The following TNS3 variants were observed in gnomAD, a reference collection of about 807,000 sequenced individuals.
The protein encoded by TNS3 is tensin 3, also known as tensin-3.
Under a neutral mutation model 140.9 loss-of-function variants are expected in TNS3, and 45 were observed. That is an observed-to-expected ratio of 0.32 (90% CI 0.25 to 0.41). The LOEUF (loss-of-function observed/expected upper bound fraction) is 0.41, where lower values mean the gene tolerates loss of function less well. Among genes scored for constraint, TNS3 ranks in the 10% least tolerant of loss-of-function variants. The pLI is 1.00. For missense variants in TNS3, 1,716 were observed against 1,906.7 expected (o/e 0.90, Z 1.86); for synonymous variants, 815 against 788.4 (o/e 1.03, Z -0.56).
intron 3 of TNS3, among the ~76,000 whole-genome samples, chr7:47,493,590 G>A (rs1050123299): frequency 4.6e-5 from 7 of 151,816 alleles, no homozygotes; most frequent in Admixed American, 6.6e-5. Flanking sequence ...AGGCCAAGGC[G>A]GGTGGATCAC....
At chr7:47,563,221 C>T (rs970841504) in intron 1 of TNS3, among the ~76,000 whole-genome samples, 5 of 152,216 alleles carry the variant, frequency 3.3e-5, no homozygotes, top group African/African-American at 1.2e-4. Context: ...TGGAGCCCCC[C>T]TTCAAGGACT....
At chr7:47,396,338 A>G (rs1416042268) in intron 16 of TNS3, among the ~76,000 whole-genome samples, 2 of 152,214 alleles carry the variant, frequency 1.3e-5, no homozygotes, top group African/African-American at 4.8e-5. Context: ...CAGAGATTTA[A>G]ATGATACAGC....
intron 1 of TNS3, among the ~76,000 whole-genome samples, chr7:47,554,918 C>G (rs775050954): frequency 1.3e-5 from 2 of 151,874 alleles, no homozygotes; most frequent in Non-Finnish European, 1.5e-5. Flanking sequence ...ATCCCAGCTA[C>G]TCAGGAGGCG....
At chr7:47,296,624 T>A (rs1332275618) in intron 24 of TNS3, among the ~76,000 whole-genome samples, 1 of 152,196 alleles carries the variant, frequency 6.6e-6, no homozygotes, top group Non-Finnish European at 1.5e-5. Flanking sequence ...TTTTAATCCA[T>A]CTAAAAATGC....
intron 16 of TNS3, among the ~76,000 whole-genome samples, chr7:47,388,233 T>TAC (rs1275915267): frequency 2.0e-5 from 3 of 152,194 alleles, no homozygotes; most frequent in East Asian, 3.9e-4. Flanking sequence ...CACCAGGGTC[T>TAC]ACACACACAC....
At chr7:47,301,917 C>T (rs1786423491) in intron 23 of TNS3, among the ~76,000 whole-genome samples, 1 of 152,186 alleles carries the variant, frequency 6.6e-6, no homozygotes, top group Non-Finnish European at 1.5e-5. Flanking sequence ...TGCAAGCAGC[C>T]AGAAATTACA....
chr7:47,573,075 G>A (rs1800595108), intron 1 of TNS3, among the ~76,000 whole-genome samples: 1 of 152,174 alleles, frequency 6.6e-6, no homozygotes, highest in South Asian at 2.1e-4. Flanking sequence ...CTCAAACCAC[G>A]TGGTCCCAAT....
At chr7:47,508,416 T>C (rs1798493808) in intron 2 of TNS3, among the ~76,000 whole-genome samples, 1 of 152,188 alleles carries the variant, frequency 6.6e-6, no homozygotes, top group Non-Finnish European at 1.5e-5. Flanking sequence ...AAGAGAGACT[T>C]GCCATTGGGA....
chr7:47,547,790 C>T (rs1254293359), intron 1 of TNS3, among the ~76,000 whole-genome samples: 3 of 152,178 alleles, frequency 2.0e-5, no homozygotes, highest in Non-Finnish European at 4.4e-5. Flanking sequence ...AAACCTCAGC[C>T]CAGAAGAAAA....
intron 4 of TNS3, among the ~76,000 whole-genome samples, chr7:47,449,858 G>A (rs988135931): frequency 5.9e-5 from 9 of 152,248 alleles, no homozygotes; most frequent in Middle Eastern, 3.4e-3. Context: ...TGCCCGCCTC[G>A]GCCTCCCAAA....
At chr7:47,582,431 G>A (rs781322012), upstream of TNS3, 8 of 456,512 alleles carry the variant, frequency 1.8e-5, no homozygotes, top group African/African-American at 4.0e-5. Flanking sequence ...GAGTACCTGG[G>A]GAGGCGGGTT....
intron 20 of TNS3, among the ~76,000 whole-genome samples, chr7:47,314,279 G>T (rs1787268929): frequency 6.6e-6 from 1 of 152,208 alleles, no homozygotes; most frequent in Admixed American, 6.5e-5. Context: ...ACACCCTGCA[G>T]GCGCTGTGCT....
chr7:47,285,964 T>C lies in TNS3; in HGVS notation c.3929-2099A>G, dbSNP rs1396352186. Among the ~76,000 whole-genome samples the C allele has an allele frequency of 3.3e-5, 5 of 152,148 alleles. No individual in the cohort carries two copies. The East Asian group carries it at 9.6e-4, about 29-fold the overall frequency. On this transcript the variant is annotated intron_variant, in intron 27 of 30. Coordinates refer to ENST00000311160, the MANE Select transcript of TNS3 (RefSeq NM_022748.12). The stretch of plus-strand genomic sequence containing the variant: ...GAATAAAAACCACGTCTGCTATGAT[T>C]AGAACGGGAAAATGAAAAGCATGTG...
At chr7:47,564,649 ACAAAAAAAAAC>A (rs1800389950) in intron 1 of TNS3, among the ~76,000 whole-genome samples, 2 of 47,244 alleles carry the variant, frequency 4.2e-5, no homozygotes, top group Non-Finnish European at 9.0e-5. Flanking sequence ...AAAAAAAAAA[ACAAAAAAAAAC>A]AAAAAAAGAC....
rs543601165 is a variant in TNS3, at chr7:47,472,275, A to G, written c.-76+8828T>C. The stretch of plus-strand genomic sequence containing the variant: ...TTCAGGTGGACATGAATTTCGGGGG[A>G]ACACAACTCAACCCCCTGTACCTCC... On this transcript the variant is annotated intron_variant, in intron 4 of 30. Transcript: ENST00000311160. Among the ~76,000 whole-genome samples, 3 of 152,264 alleles carry G rather than the reference A, an allele frequency of 2.0e-5. No individual in the cohort carries two copies. In the East Asian group the frequency reaches 5.8e-4, roughly 29 times the overall value.
intron 20 of TNS3, among the ~76,000 whole-genome samples, chr7:47,314,594 T>C (rs1787287734): frequency 6.6e-6 from 1 of 152,222 alleles, no homozygotes; most frequent in Non-Finnish European, 1.5e-5. Flanking sequence ...AGAATTGTTG[T>C]TGTTGCTCAA....
chr7:47,499,446 A>T (rs1169638897), intron 3 of TNS3, among the ~76,000 whole-genome samples: 1 of 152,226 alleles, frequency 6.6e-6, no homozygotes, highest in Non-Finnish European at 1.5e-5. Context: ...GCAAAAAAGA[A>T]AGACATGGAA....
Position 47,364,770 on chromosome 7 carries a change from C to T in TNS3, c.2281+3595G>A, listed in dbSNP as rs565700232. Among the ~76,000 whole-genome samples the T allele has an allele frequency of 2.0e-5, 3 of 152,306 alleles. No individual in the cohort carries two copies. In the South Asian group the frequency reaches 6.2e-4, roughly 32 times the overall value. ...CCCAGGAAGGGCATGGCTCACTCTG[C>T]CCTGTTTCCAATGCTGCGGCTAACC... On this transcript the variant is annotated intron_variant, in intron 17 of 30. Coordinates refer to ENST00000311160, the MANE Select transcript of TNS3 (RefSeq NM_022748.12).
intron 2 of TNS3, among the ~76,000 whole-genome samples, chr7:47,517,749 C>T (rs1482948353): frequency 2.6e-5 from 4 of 152,056 alleles, no homozygotes; most frequent in South Asian, 2.1e-4. Context: ...ATCAGGATGA[C>T]CTGAGGTACA....
Sources: gnomAD v4.1 joint callset for allele counts (sites outside exome capture counted in the v4.1 genomes callset) on GRCh38, gnomAD v4.1.1 for gene constraint, MANE v1.5 for transcripts, NCBI Gene and HGNC (gene_info 2026-07-23, HGNC 2026-07-21) for gene names.